Variants in SYN3 observed in about 807,000 individuals in gnomAD.
SYN3 encodes synapsin III, also known as synapsin-3.
In SYN3, 35 loss-of-function variants were observed where a neutral mutation model predicts 65.8. The observed-to-expected ratio is 0.53, with a 90% CI of 0.41 to 0.70. The LOEUF (loss-of-function observed/expected upper bound fraction) is 0.70, where lower values mean the gene tolerates loss of function less well. SYN3 is among the 30% of genes least tolerant of loss of function. The pLI is 0.00. For synonymous variants in SYN3, 270 were observed against 292.9 expected, an observed-to-expected ratio of 0.92 and a Z score of 0.80; for missense variants, 680 against 749.0, an observed-to-expected ratio of 0.91 and a Z score of 1.08.
intron 4 of SYN3, among the ~76,000 whole-genome samples, chr22:32,912,731 A>G (rs1052497500): frequency 6.6e-6 from 1 of 152,120 alleles, no homozygotes. Flanking sequence ...TAAAAAAAAA[A>G]AGTCTCACTC....
chr22:32,525,386 C>A (rs2057958317), intron 12 of SYN3, among the ~76,000 whole-genome samples: 1 of 152,130 alleles, frequency 6.6e-6, no homozygotes. Flanking sequence ...AAAGTGACTT[C>A]TTGAGATGTA....
intron 1 of SYN3, among the ~76,000 whole-genome samples, chr22:33,045,689 C>G (rs1401355231): frequency 6.6e-6 from 1 of 151,894 alleles, no homozygotes; most frequent in Non-Finnish European, 1.5e-5. Flanking sequence ...GTCTCGATCT[C>G]CTGACCTTGT....
intron 6 of SYN3, among the ~76,000 whole-genome samples, chr22:32,682,536 G>A (rs997032027): frequency 3.3e-5 from 5 of 152,262 alleles, no homozygotes; most frequent in South Asian, 2.1e-4. Flanking sequence ...AAGCCAGGGA[G>A]GAAGGGCAGT....
intron 6 of SYN3, among the ~76,000 whole-genome samples, chr22:32,814,987 G>A (rs1350900891): frequency 6.6e-6 from 1 of 152,092 alleles, no homozygotes; most frequent in Non-Finnish European, 1.5e-5. Flanking sequence ...TTATTAATAA[G>A]ATCTTAATAT....
At chr22:32,817,018 G>C (rs191816379) in intron 6 of SYN3, among the ~76,000 whole-genome samples, 1 of 150,798 alleles carries the variant, frequency 6.6e-6, no homozygotes, top group East Asian at 2.0e-4. Context: ...AGGAATTGAA[G>C]ACCAGTCTGG....
chr22:32,890,649 G>T (rs2049419239), intron 4 of SYN3, among the ~76,000 whole-genome samples: 1 of 152,072 alleles, frequency 6.6e-6, no homozygotes, highest in African/African-American at 2.4e-5. Context: ...CAAAGTGCTG[G>T]GATTACAGGT....
chr22:32,515,044 T>C (rs1404793437), intron 13 of SYN3, among the ~76,000 whole-genome samples: 1 of 151,536 alleles, frequency 6.6e-6, no homozygotes, highest in Non-Finnish European at 1.5e-5. Context: ...AACTGGGGAC[T>C]TCAACGCAGG....
chr22:32,577,094 A>G (rs2058862237), intron 7 of SYN3, among the ~76,000 whole-genome samples: 2 of 152,100 alleles, frequency 1.3e-5, no homozygotes. Flanking sequence ...AGTCAATCAC[A>G]TTAGAGTCCC....
At chr22:32,532,877 G>C (rs1165212480) in intron 10 of SYN3, among the ~76,000 whole-genome samples, 1 of 152,126 alleles carries the variant, frequency 6.6e-6, no homozygotes, top group South Asian at 2.1e-4. Flanking sequence ...GGCTGGACGC[G>C]GCACTGGAGC....
chr22:32,749,243 G>A (rs1432672844), intron 6 of SYN3, among the ~76,000 whole-genome samples: 1 of 151,814 alleles, frequency 6.6e-6, no homozygotes, highest in Non-Finnish European at 1.5e-5. Context: ...TTTTACAAAG[G>A]CATTAATCCC....
intron 1 of SYN3, among the ~76,000 whole-genome samples, chr22:33,039,575 T>C (rs2053925939): frequency 6.6e-6 from 1 of 152,086 alleles, no homozygotes; most frequent in Non-Finnish European, 1.5e-5. Context: ...TTTGTATTTT[T>C]AGTAGAAACG....
At chr22:32,556,804 G>GTTTTTTTTT (rs1555895619) in intron 7 of SYN3, among the ~76,000 whole-genome samples, 3 of 43,888 alleles carry the variant, frequency 6.8e-5, no homozygotes, top group South Asian at 1.1e-3. Context: ...AGGTTTCCTG[G>GTTTTTTTTT]TTTTTTTTTT....
intron 4 of SYN3, among the ~76,000 whole-genome samples, chr22:32,905,874 C>G (rs1232650025): frequency 6.6e-6 from 1 of 152,236 alleles, no homozygotes; most frequent in African/African-American, 2.4e-5. Context: ...GAATCACAGT[C>G]AGGTATCCTG....
intron 6 of SYN3, among the ~76,000 whole-genome samples, chr22:32,810,892 G>T (rs930926120): frequency 2.0e-5 from 3 of 152,102 alleles, no homozygotes; most frequent in African/African-American, 7.2e-5. Context: ...CTGCCTTTTC[G>T]ATTTGGAAAC....
chr22:32,734,213 C>T (rs1196288199), intron 6 of SYN3, among the ~76,000 whole-genome samples: 1 of 152,164 alleles, frequency 6.6e-6, no homozygotes, highest in Non-Finnish European at 1.5e-5. Context: ...ACTTCCTGAG[C>T]CCTGATTAGG....
intron 7 of SYN3, among the ~76,000 whole-genome samples, chr22:32,585,974 GTATA>G (rs1297792632): frequency 0.2 from 9,177 of 45,310 alleles, 688 homozygotes; most frequent in African/African-American, 0.38. Context: ...ACGTATATAT[GTATA>G]TATGTATGTA....
intron 6 of SYN3, among the ~76,000 whole-genome samples, chr22:32,663,496 C>T (rs2060247390): frequency 6.6e-6 from 1 of 151,968 alleles, no homozygotes; most frequent in South Asian, 2.1e-4. Context: ...GACGGGGTTT[C>T]ACCGTGTTAG....
intron 6 of SYN3, among the ~76,000 whole-genome samples, chr22:32,784,651 T>C (rs1490089012): frequency 2.6e-5 from 4 of 152,172 alleles, no homozygotes; most frequent in Non-Finnish European, 5.9e-5. Context: ...GCAGAGTGTA[T>C]GGCAACATTG....
At chr22:32,670,017 T>C (rs2060339255) in intron 6 of SYN3, among the ~76,000 whole-genome samples, 1 of 152,190 alleles carries the variant, frequency 6.6e-6, no homozygotes, top group Admixed American at 6.5e-5. Context: ...AACAGTGTCA[T>C]TATACTAGCC....
Sources: gnomAD v4.1 joint callset for allele counts (sites outside exome capture counted in the v4.1 genomes callset) on GRCh38, gnomAD v4.1.1 for gene constraint, MANE v1.5 for transcripts, NCBI Gene and HGNC (gene_info 2026-07-23, HGNC 2026-07-21) for gene names.